The following DDAH1 variants were observed in gnomAD, a reference collection of about 807,000 sequenced individuals.
The protein encoded by DDAH1 is N(G),N(G)-dimethylarginine dimethylaminohydrolase 1.
DDAH1 carries 19 observed loss-of-function variants against 28.8 expected under a neutral mutation model. That is an observed-to-expected ratio of 0.66 (90% CI 0.46 to 0.97). The LOEUF is 0.97. Ranked by LOEUF, DDAH1 falls within the 50% of genes least tolerant of loss-of-function variation. The pLI is 0.00. For synonymous variants in DDAH1, 153 were observed against 154.4 expected (o/e 0.99, Z 0.07); for missense variants, 326 against 375.9 (o/e 0.87, Z 1.10).
At chr1:85,430,331 G>A (rs1375850839) in intron 1 of DDAH1, among the ~76,000 whole-genome samples, 1 of 152,146 alleles carries the variant, frequency 6.6e-6, no homozygotes, top group East Asian at 1.9e-4. Context: ...GTCAGGTAGT[G>A]TGATGCCTCC....
chr1:85,546,117 T>C (rs988337768), intron 1 of DDAH1, among the ~76,000 whole-genome samples: 1 of 143,416 alleles, frequency 7.0e-6, no homozygotes, highest in Non-Finnish European at 1.6e-5. Context: ...TTTGCTATGA[T>C]TTGAATGTGT....
intron 2 of DDAH1, among the ~76,000 whole-genome samples, chr1:85,487,164 T>A (rs1448727922): frequency 6.6e-6 from 1 of 152,238 alleles, no homozygotes; most frequent in East Asian, 1.9e-4. Flanking sequence ...GTTGCTCTCC[T>A]TGTACTTAGG....
intron 1 of DDAH1, among the ~76,000 whole-genome samples, chr1:85,552,736 A>G (rs749648999): frequency 2.0e-5 from 3 of 152,212 alleles, no homozygotes; most frequent in Non-Finnish European, 2.9e-5. Flanking sequence ...TAGACAAAAT[A>G]ACTGACTCTT....
At chr1:85,577,855 GA>G in intron 1 of DDAH1, 1 of 492,866 alleles carries the variant, frequency 2.0e-6, no homozygotes, top group Non-Finnish European at 2.6e-6. Flanking sequence ...CTTCTCCGTG[GA>G]TTGCAATCCA....
At chr1:85,325,846 G>T (rs1647362467) in intron 4 of DDAH1, among the ~76,000 whole-genome samples, 1 of 152,162 alleles carries the variant, frequency 6.6e-6, no homozygotes, top group Non-Finnish European at 1.5e-5. Context: ...TTGGGGTTTA[G>T]TCATGTAGAC....
chr1:85,327,785 C>T (rs1315235704), intron 4 of DDAH1, among the ~76,000 whole-genome samples: 1 of 152,110 alleles, frequency 6.6e-6, no homozygotes, highest in African/African-American at 2.4e-5. Flanking sequence ...AAAAAAAACC[C>T]CAAAACAGAT....
chr1:85,446,402 C>A (rs1311253684), intron 1 of DDAH1, among the ~76,000 whole-genome samples: 1 of 152,164 alleles, frequency 6.6e-6, no homozygotes, highest in Non-Finnish European at 1.5e-5. Flanking sequence ...GATTCAATTA[C>A]CTCTACCTGG....
At chr1:85,555,714 T>A (rs952348116) in intron 1 of DDAH1, among the ~76,000 whole-genome samples, 1 of 152,140 alleles carries the variant, frequency 6.6e-6, no homozygotes, top group African/African-American at 2.4e-5. Context: ...ACACTCACAA[T>A]TAATCATCAG....
intron 1 of DDAH1, among the ~76,000 whole-genome samples, chr1:85,403,248 C>CAA (rs1163990219): frequency 1.3e-5 from 2 of 150,352 alleles, no homozygotes; most frequent in South Asian, 2.1e-4. Flanking sequence ...TATATATACA[C>CAA]ACACACATGC....
At chr1:85,353,050 C>A (rs1649304528) in intron 2 of DDAH1, among the ~76,000 whole-genome samples, 1 of 152,060 alleles carries the variant, frequency 6.6e-6, no homozygotes. Context: ...ACTACACATT[C>A]CATATATTTG....
chr1:85,496,956 A>G (rs1285268817), intron 1 of DDAH1, among the ~76,000 whole-genome samples: 1 of 152,254 alleles, frequency 6.6e-6, no homozygotes, highest in Non-Finnish European at 1.5e-5. Flanking sequence ...CATTGAGGAC[A>G]TTCTGCATAA....
Position 85,464,465 on chromosome 1 carries a change from G to T in DDAH1, c.303+278C>A. 41 of 1,471,876 alleles carry T rather than the reference G, an allele frequency of 2.8e-5. No homozygotes were observed. Among genetic ancestry groups the T allele is most frequent in the East Asian group, 8.1e-5 (3 of 37,246 alleles). The allele number at this position is 1,471,876 out of a possible 1,614,324, so 91.2% of individuals were successfully genotyped here. A position where few individuals can be genotyped will look rare whatever the true frequency, so the allele number is the denominator to read the frequency against. Reference sequence around the variant, plus strand: ...CCGTTTAATTTTCACAAATAAAAATGCCCGTGAGACGGAATCCCCCGCCCA... The same window carrying T: ...CCGTTTAATTTTCACAAATAAAAATTCCCGTGAGACGGAATCCCCCGCCCA... On this transcript the variant is annotated intron_variant, in intron 1 of 5. Transcript: ENST00000284031. This position sits in a 1 kb window ranked among gnomAD's most constrained non-coding sequence, Gnocchi z 4.4.
At chr1:85,409,236 T>C (rs1199525107) in intron 1 of DDAH1, among the ~76,000 whole-genome samples, 1 of 152,184 alleles carries the variant, frequency 6.6e-6, no homozygotes, top group Non-Finnish European at 1.5e-5. Context: ...AGCCAAAAGA[T>C]TGGACACCCC....
chr1:85,574,556 A>T (rs954137862), intron 1 of DDAH1, among the ~76,000 whole-genome samples: 1 of 151,162 alleles, frequency 6.6e-6, no homozygotes, highest in African/African-American at 2.4e-5. Context: ...GTTCCCCCTA[A>T]CTCCTCTCAG....
At chr1:85,562,775 C>A (rs1333240728) in intron 1 of DDAH1, among the ~76,000 whole-genome samples, 5 of 152,184 alleles carry the variant, frequency 3.3e-5, no homozygotes, top group African/African-American at 1.2e-4. Flanking sequence ...TGATTTCAGA[C>A]TCTCAGCCTC....
intron 1 of DDAH1, among the ~76,000 whole-genome samples, chr1:85,504,741 G>C (rs1458326224): frequency 6.6e-6 from 1 of 152,046 alleles, no homozygotes; most frequent in Non-Finnish European, 1.5e-5. Flanking sequence ...AAAAGCATGA[G>C]AACCCATCCT....
intron 1 of DDAH1, among the ~76,000 whole-genome samples, chr1:85,513,082 G>A (rs1570627124): frequency 6.6e-6 from 1 of 152,068 alleles, no homozygotes; most frequent in Non-Finnish European, 1.5e-5. Context: ...GAGGCATCAC[G>A]CTACCTGACT....
At chr1:85,400,184 T>TTC (rs1170734980) in intron 1 of DDAH1, among the ~76,000 whole-genome samples, 41,331 of 77,604 alleles carry the variant, frequency 0.53, 9,866 homozygotes, top group Admixed American at 0.59. Flanking sequence ...TTTCTTTTTT[T>TTC]TTTTTTTTTT....
intron 1 of DDAH1, among the ~76,000 whole-genome samples, chr1:85,501,861 G>A (rs1242733201): frequency 6.6e-6 from 1 of 152,076 alleles, no homozygotes; most frequent in Non-Finnish European, 1.5e-5. Flanking sequence ...CTTCACACTG[G>A]ATACTTTTGC....
Sources: allele counts gnomAD v4.1 joint callset (sites outside exome capture counted in the v4.1 genomes callset), GRCh38; gene constraint gnomAD v4.1.1; non-coding constraint Gnocchi (gnomAD v3.1); transcripts MANE v1.5; gene names NCBI Gene and HGNC (gene_info 2026-07-23, HGNC 2026-07-21).